GATB: variants seen among roughly 807,000 people sequenced by gnomAD.
The protein encoded by GATB is glutamyl-tRNA(Gln) amidotransferase subunit B, mitochondrial.
In GATB, 39 loss-of-function variants were observed where a neutral mutation model predicts 62.3. The ratio of observed to expected loss-of-function variants is 0.63; its 90% confidence interval spans 0.48 to 0.82. The LOEUF is 0.82. GATB is among the 40% of genes least tolerant of loss of function. The probability of loss-of-function intolerance (pLI) is 0.00; values close to 1 mark genes in which losing one functional copy is unlikely to be tolerated. For synonymous variants in GATB, 276 were observed against 258.9 expected, an observed-to-expected ratio of 1.07 and a Z score of -0.63; for missense variants, 670 against 684.0, an observed-to-expected ratio of 0.98 and a Z score of 0.23.
chr4:151,731,885 C>T (rs1430586512), intron 2 of GATB, among the ~76,000 whole-genome samples: 1 of 151,534 alleles, frequency 6.6e-6, no homozygotes, highest in African/African-American at 2.4e-5. Context: ...CCGGCAGCCA[C>T]CCAGCAGCCG....
At chr4:151,707,241 G>T (rs1447432749) in intron 6 of GATB, among the ~76,000 whole-genome samples, 1 of 152,222 alleles carries the variant, frequency 6.6e-6, no homozygotes, top group Non-Finnish European at 1.5e-5. Flanking sequence ...TGGATCCTCT[G>T]ATAAAGAGGT....
chr4:151,731,837 G>A (rs1416945973), intron 2 of GATB, among the ~76,000 whole-genome samples: 16 of 150,498 alleles, frequency 1.1e-4, no homozygotes, highest in African/African-American at 2.7e-4. Context: ...CCCTCTGCCC[G>A]GCAGCCGCCC....
chr4:151,689,888 A>G (rs1030917760), intron 9 of GATB, among the ~76,000 whole-genome samples: 5 of 152,178 alleles, frequency 3.3e-5, no homozygotes, highest in Admixed American at 1.3e-4. Context: ...CAAGAAATTT[A>G]GGTAAGTCCA....
At chr4:151,702,628 C>A (rs1031646081) in intron 8 of GATB, among the ~76,000 whole-genome samples, 1 of 152,040 alleles carries the variant, frequency 6.6e-6, no homozygotes, top group Non-Finnish European at 1.5e-5. Context: ...TCTGGACGTT[C>A]CATTCAATTT....
intron 9 of GATB, among the ~76,000 whole-genome samples, chr4:151,697,951 G>GTATATATATATATATATATA (rs1191034630): frequency 3.5e-5 from 1 of 28,630 alleles, no homozygotes; most frequent in Non-Finnish European, 6.2e-5. Context: ...GTGTGTGTGT[G>GTATATATATATATATATATA]TGTATATATA....
chr4:151,722,002 A>C (rs1167129095), intron 2 of GATB: 5 of 575,168 alleles, frequency 8.7e-6, no homozygotes, highest in African/African-American at 1.9e-5. Context: ...GAAGCCATGA[A>C]GTACTTCAAG....
intron 2 of GATB, chr4:151,722,352 T>C (rs903066068): frequency 1.6e-6 from 1 of 620,146 alleles, no homozygotes; most frequent in Non-Finnish European, 2.9e-6. Flanking sequence ...CTTTTCAAGT[T>C]TGTCTTTCAT....
chr4:151,703,989 G>A (rs564715139), intron 7 of GATB, 94 bp from the exon 8 acceptor site: 2 of 780,410 alleles, frequency 2.6e-6, no homozygotes, highest in Non-Finnish European at 4.3e-6. Context: ...AGGGGCACAG[G>A]CAAAATCAAA....
intron 5 of GATB, among the ~76,000 whole-genome samples, chr4:151,712,927 T>C (rs902166784): frequency 2.6e-5 from 4 of 152,206 alleles, no homozygotes; most frequent in African/African-American, 9.6e-5. Flanking sequence ...AGGAACCAGA[T>C]GGCACAGCAG....
At chr4:151,678,007 GA>G (rs1260840087) in intron 11 of GATB, 1 of 151,878 alleles carries the variant, frequency 6.6e-6, no homozygotes, top group Non-Finnish European at 1.5e-5. Context: ...TAGAACCTGA[GA>G]ATCTTTGTTT....
At chr4:151,722,078 G>A in intron 2 of GATB, 2 of 647,444 alleles carry the variant, frequency 3.1e-6, no homozygotes, top group Non-Finnish European at 5.5e-6. Flanking sequence ...AACAGAGAGT[G>A]TCAGTTAGAA....
At chr4:151,697,962 T>TATATATATATAC (rs1738514702) in intron 9 of GATB, among the ~76,000 whole-genome samples, 1 of 59,982 alleles carries the variant, frequency 1.7e-5, no homozygotes, top group African/African-American at 5.8e-5. Flanking sequence ...TGTATATATA[T>TATATATATATAC]ATATATATAT....
intron 5 of GATB, among the ~76,000 whole-genome samples, chr4:151,710,812 C>A (rs191244412): frequency 4.3e-4 from 65 of 152,254 alleles, no homozygotes; most frequent in Middle Eastern, 3.4e-3. Flanking sequence ...TCTGGGTGGA[C>A]GGATACAGTT....
At chr4:151,697,953 G>GTGTGTATA (rs1186735671) in intron 9 of GATB, among the ~76,000 whole-genome samples, 113 of 40,540 alleles carry the variant, frequency 2.8e-3, no homozygotes, top group African/African-American at 0.015. Context: ...GTGTGTGTGT[G>GTGTGTATA]TATATATATA....
chr4:151,696,691 G>A (rs1477634357), intron 9 of GATB, among the ~76,000 whole-genome samples: 1 of 152,232 alleles, frequency 6.6e-6, no homozygotes, highest in Non-Finnish European at 1.5e-5. Context: ...GAATTGCAGA[G>A]CATGCTAGAA....
At chr4:151,695,371 G>T (rs1738448040) in intron 9 of GATB, among the ~76,000 whole-genome samples, 1 of 152,134 alleles carries the variant, frequency 6.6e-6, no homozygotes, top group South Asian at 2.1e-4. Context: ...CAGCTCCAAA[G>T]TGTCAGAGGT....
chr4:151,705,946 C>T (rs1738706173), intron 6 of GATB, among the ~76,000 whole-genome samples: 1 of 152,124 alleles, frequency 6.6e-6, no homozygotes, highest in East Asian at 1.9e-4. Context: ...GCTGGGATTA[C>T]AGGCATGAGC....
At chr4:151,741,172 A>T (rs1739477842) in intron 2 of GATB, among the ~76,000 whole-genome samples, 1 of 152,168 alleles carries the variant, frequency 6.6e-6, no homozygotes, top group Non-Finnish European at 1.5e-5. Flanking sequence ...TTTAATTTAT[A>T]AATTATGCAC....
chr4:151,759,810 A>G (rs553210862), intron 1 of GATB, among the ~76,000 whole-genome samples: 14 of 152,102 alleles, frequency 9.2e-5, no homozygotes, highest in African/African-American at 3.4e-4. Flanking sequence ...ATATATACAT[A>G]TTTTACATCG....
Sources: allele counts gnomAD v4.1 joint callset (sites outside exome capture counted in the v4.1 genomes callset), GRCh38; gene constraint gnomAD v4.1.1; transcripts MANE v1.5; gene names NCBI Gene and HGNC (gene_info 2026-07-23, HGNC 2026-07-21).